The following CC2D2A variants were observed in gnomAD, a reference collection of about 807,000 sequenced individuals.
The protein encoded by CC2D2A is coiled-coil and C2 domain containing 2A, also known as coiled-coil and C2 domain-containing protein 2A.
A neutral mutation model predicts 212.9 loss-of-function variants in CC2D2A; 155 were observed. The ratio of observed to expected loss-of-function variants is 0.73; its 90% confidence interval spans 0.64 to 0.83. The LOEUF is 0.83. Among genes scored for constraint, CC2D2A ranks in the 40% least tolerant of loss-of-function variants. CC2D2A has a pLI of 0.00. For synonymous variants in CC2D2A, 667 were observed against 686.5 expected, an observed-to-expected ratio of 0.97 and a Z score of 0.44; for missense variants, 1,856 against 1,956.2, an observed-to-expected ratio of 0.95 and a Z score of 0.97.
chr4:15,597,430 C>T lies in CC2D2A; in HGVS notation c.4461C>T (p.Arg1487=). The change falls in exon 35 of 37, where the codon CGC becomes CGT. Residue 1487 remains arginine, a synonymous_variant. Coordinates refer to ENST00000424120, the MANE Select transcript of CC2D2A (RefSeq NM_001378615.1). ...SVQPEELIYQ[R]SDKAAAAELQ... is the part of the protein sequence containing the mutation. ...AGCCTGAAGAGCTAATTTACCAGCG[C>T]TCAGACAAAGCAGCTGCAGCTGAGC... The T allele has an allele frequency of 6.4e-7, 1 of 1,553,146 alleles. No homozygotes were observed. Among genetic ancestry groups the T allele is most frequent in the South Asian group, 1.2e-5 (1 of 84,162 alleles).
chr4:15,495,401 G>T (rs746285131), intron 4 of CC2D2A, among the ~76,000 whole-genome samples: 12 of 152,082 alleles, frequency 7.9e-5, no homozygotes, highest in Non-Finnish European at 1.5e-4. Context: ...GAGCCACCAC[G>T]CCCAGCCTCT....
chr4:15,595,368 T>C (rs920618411), intron 33 of CC2D2A, among the ~76,000 whole-genome samples: 3 of 152,220 alleles, frequency 2.0e-5, no homozygotes, highest in African/African-American at 7.2e-5. Context: ...AACAGCCTAA[T>C]GTGGACACGA....
At chr4:15,583,866 G>A (rs907260504) in intron 30 of CC2D2A, among the ~76,000 whole-genome samples, 1 of 151,820 alleles carries the variant, frequency 6.6e-6, no homozygotes, top group Non-Finnish European at 1.5e-5. Flanking sequence ...CAGGAGAATG[G>A]CGTGAACCTG....
chr4:15,537,825 T>C lies in CC2D2A; in HGVS notation c.1765-74T>C, dbSNP rs543587610. The C allele has an allele frequency of 6.4e-5, 93 of 1,464,032 alleles. No homozygotes were observed. In the African/African-American group the frequency reaches 1.2e-3, roughly 19 times the overall value. The allele number at this position is 1,464,032 out of a possible 1,614,324, so 90.7% of individuals were successfully genotyped here. ...GCTGGGGTTTGTATCCAGGTCCATC[T>C]GGCTATGAAGACTGTGCTCTTAAAT... On this transcript the variant is annotated intron_variant, in intron 15 of 36. Coordinates refer to ENST00000424120, the MANE Select transcript of CC2D2A (RefSeq NM_001378615.1).
chr4:15,487,628 G>C (rs966655725), intron 4 of CC2D2A, among the ~76,000 whole-genome samples: 3 of 151,884 alleles, frequency 2.0e-5, no homozygotes, highest in Non-Finnish European at 4.4e-5. Flanking sequence ...TTTGATGGGA[G>C]AATTTAGTCC....
chr4:15,471,539 G>A (rs1384364454), intron 1 of CC2D2A, among the ~76,000 whole-genome samples: 3 of 151,740 alleles, frequency 2.0e-5, no homozygotes, highest in African/African-American at 7.3e-5. Flanking sequence ...CCCAGCCTGT[G>A]CTAGGCATTT....
chr4:15,550,768 G>C, intron 17 of CC2D2A, 56 bp from the exon 18 acceptor site: 1 of 1,310,650 alleles, frequency 7.6e-7, no homozygotes, highest in Non-Finnish European at 1.1e-6. Flanking sequence ...GATTATCTGA[G>C]CGTGAGCACA....
intron 28 of CC2D2A, among the ~76,000 whole-genome samples, chr4:15,573,488 A>G (rs886219374): frequency 1.3e-5 from 2 of 152,008 alleles, no homozygotes; most frequent in African/African-American, 4.8e-5. Flanking sequence ...ATGGAGTTTC[A>G]CCTTGTTGGC....
chr4:15,514,928 A>T, intron 9 of CC2D2A, 59 bp downstream of exon 9: 1 of 1,510,014 alleles, frequency 6.6e-7, no homozygotes, highest in Non-Finnish European at 9.1e-7. Flanking sequence ...CTTGTCATGA[A>T]ATATGGCTAG....
At chr4:15,519,810 A>C in intron 11 of CC2D2A, 1 of 317,638 alleles carries the variant, frequency 3.1e-6, no homozygotes, top group Non-Finnish European at 6.4e-6. Flanking sequence ...TAATTCAATC[A>C]CCTCCCACCC....
intron 28 of CC2D2A, among the ~76,000 whole-genome samples, chr4:15,570,718 T>A (rs1317329480): frequency 1.3e-5 from 2 of 151,910 alleles, no homozygotes; most frequent in Non-Finnish European, 2.9e-5. Flanking sequence ...TAGCCGGGCG[T>A]GGTGGTGCGC....
intron 13 of CC2D2A, among the ~76,000 whole-genome samples, chr4:15,529,044 A>T (rs1223946443): frequency 1.3e-5 from 2 of 152,172 alleles, no homozygotes; most frequent in African/African-American, 2.4e-5. Flanking sequence ...CAGATACAAG[A>T]TGTTCTTTAA....
chr4:15,592,365 A>C (rs951209433), intron 33 of CC2D2A, among the ~76,000 whole-genome samples: 1 of 152,198 alleles, frequency 6.6e-6, no homozygotes, highest in African/African-American at 2.4e-5. Flanking sequence ...CTTTATAAGC[A>C]CACTCAGACC....
At chr4:15,578,329 A>G (rs959817962) in intron 29 of CC2D2A, among the ~76,000 whole-genome samples, 1 of 152,196 alleles carries the variant, frequency 6.6e-6, no homozygotes, top group Non-Finnish European at 1.5e-5. Context: ...TTCTTAGGGT[A>G]TAGTAATCAA....
intron 1 of CC2D2A, among the ~76,000 whole-genome samples, chr4:15,470,852 G>T (rs1311721766): frequency 6.6e-6 from 1 of 151,826 alleles, no homozygotes; most frequent in African/African-American, 2.4e-5. Flanking sequence ...CAGAAGCTCA[G>T]AATTTGCTGG....
Position 15,480,789 on chromosome 4 carries a change from C to T in CC2D2A, c.209C>T (p.Thr70Ile), listed in dbSNP as rs1714588071. The change falls in exon 4 of 37, where the codon ACC becomes ATC. Residue 70 changes from threonine to isoleucine, a missense_variant. Physicochemically the swap from Thr to Ile is moderately conservative, Grantham distance 89 (BLOSUM62 -1). This residue lies in a region of CC2D2A where 1,512 missense variants were observed against 1,579.3 expected (regional missense o/e 0.96). Transcript: ENST00000424120. ...GAGCCTGTGCAGGAGGAGCCCAAGA[C>T]CCGCCTCCTGAGTATGACAGTCCGG... ...PQEPVQEEPK[T>I]RLLSMTVRRG... The T allele has an allele frequency of 6.2e-7, 1 of 1,613,336 alleles. No homozygotes were observed. The highest frequency in any genetic ancestry group is 1.7e-5 in the Admixed American group (1 of 59,952).
intron 4 of CC2D2A, chr4:15,481,325 A>G (rs1315877729): frequency 2.4e-6 from 1 of 415,910 alleles, no homozygotes; most frequent in East Asian, 7.2e-5. Flanking sequence ...CCTGACCAAC[A>G]TGGAGAAACC....
rs115570917 is a variant in CC2D2A at position 15,593,675 on chromosome 4, T to C, written c.4315-2410T>C. 3.6e-3 allele frequency among the ~76,000 whole-genome samples: 551 copies of C among 152,302 alleles called. 6 individuals carry two copies. The highest frequency in any genetic ancestry group is 0.013 in the African/African-American group (532 of 41,556). On this transcript the variant is annotated intron_variant, in intron 33 of 36. Coordinates refer to ENST00000424120, the MANE Select transcript of CC2D2A (RefSeq NM_001378615.1). ...TCAGTCGGTTTTTTGGCCAAAATCC[T>C]TGGAGTCATCTGTGATTCCTCTCTC...
Position 15,528,686 on chromosome 4 carries a change from A to G in CC2D2A, c.1426A>G (p.Thr476Ala), listed in dbSNP as rs777726035. ...AGAAAAACCTCATCAGTCTCTCGAT[A>G]CCATCCAAAAAACCATCAATGAGTA... The part of the protein sequence containing the change: ...DPEKPHQSLD[T>A]IQKTINEYKS... Residue 476 changes from threonine (T) to alanine (A), a missense_variant, in exon 13 of 37, where the codon ACC becomes GCC. This residue lies in a region of CC2D2A where 1,512 missense variants were observed against 1,579.3 expected (regional missense o/e 0.96). Coordinates refer to ENST00000424120, the MANE Select transcript of CC2D2A (RefSeq NM_001378615.1). 56 of 1,613,240 alleles carry G rather than the reference A, an allele frequency of 3.5e-5. No individual in the cohort carries two copies. The highest frequency in any genetic ancestry group is 5.3e-5 in the African/African-American group (4 of 74,916).
Sources: allele counts gnomAD v4.1 joint callset (sites outside exome capture counted in the v4.1 genomes callset), GRCh38; gene constraint gnomAD v4.1.1; regional missense constraint gnomAD v4.1.1; transcripts MANE v1.5; gene names NCBI Gene and HGNC (gene_info 2026-07-23, HGNC 2026-07-21).